The following RFTN2 variants were observed in gnomAD, a reference collection of about 807,000 sequenced individuals.
RFTN2 encodes raftlin family member 2.
RFTN2 carries 34 observed loss-of-function variants against 52.7 expected under a neutral mutation model. That is an observed-to-expected ratio of 0.64 (90% CI 0.49 to 0.86). The LOEUF is 0.86. Ranked by LOEUF, RFTN2 falls within the 40% of genes least tolerant of loss-of-function variation. RFTN2 has a pLI of 0.00. For synonymous variants in RFTN2, 203 were observed against 217.7 expected (o/e 0.93, Z 0.59); for missense variants, 536 against 600.1 (o/e 0.89, Z 1.12).
intron 6 of RFTN2, 131 bp from the exon 7 acceptor site, chr2:197,616,110 G>A: frequency 1.8e-6 from 1 of 569,914 alleles, no homozygotes; most frequent in Admixed American, 3.0e-5. Context: ...TGGGCTTCAT[G>A]TTCTGCTCTG....
At chr2:197,593,765 T>C (rs911007094) in intron 8 of RFTN2, among the ~76,000 whole-genome samples, 20 of 151,264 alleles carry the variant, frequency 1.3e-4, no homozygotes, top group African/African-American at 4.9e-4. Flanking sequence ...TGTGTGCCTG[T>C]AGTCCCAGCT....
At chr2:197,575,736 A>G (rs2106160660) in intron 8 of RFTN2, among the ~76,000 whole-genome samples, 1 of 139,848 alleles carries the variant, frequency 7.2e-6, no homozygotes, top group East Asian at 2.0e-4. Context: ...CTCAGGTCAT[A>G]TATGTATATA....
intron 1 of RFTN2, among the ~76,000 whole-genome samples, chr2:197,659,515 C>T (rs906467108): frequency 4.1e-5 from 6 of 147,410 alleles, no homozygotes; most frequent in African/African-American, 1.3e-4. Flanking sequence ...ATTATTTCCT[C>T]AGATAAAAAT....
At chr2:197,643,067 T>A (rs114751667) in intron 3 of RFTN2, among the ~76,000 whole-genome samples, 1 of 152,136 alleles carries the variant, frequency 6.6e-6, no homozygotes, top group East Asian at 1.9e-4. Context: ...TTATGAATGT[T>A]AGCTTTTCTT....
chr2:197,617,776 A>C (rs199886687), intron 6 of RFTN2, 24 bp downstream of exon 6: 1 of 1,277,486 alleles, frequency 7.8e-7, no homozygotes, highest in Non-Finnish European at 1.0e-6. Context: ...TGTAAAGCTA[A>C]ATTGTCAGAA....
At position 197,665,212 on chromosome 2, in the gene RFTN2, G is replaced by A. The variant is rs541010440; in HGVS notation, c.139+10108C>T. 4.5e-4 allele frequency among the ~76,000 whole-genome samples: 68 copies of A among 152,236 alleles called. 2 individuals are homozygous for A. The South Asian group carries it at 0.01, about 23-fold the overall frequency. ...ATGGTGGTGGGGGGAGCAGTGAAGA[G>A]ATATGAGGGAACCTTCTATACTTTC... On this transcript the variant is annotated intron_variant, in intron 1 of 8. Coordinates refer to ENST00000295049, the MANE Select transcript of RFTN2 (RefSeq NM_144629.3).
Position 197,668,518 on chromosome 2 carries a change from C to T in RFTN2, c.139+6802G>A, listed in dbSNP as rs370414111. 5.5e-4 allele frequency among the ~76,000 whole-genome samples: 83 copies of T among 152,216 alleles called. 1 individual carries two copies. Among genetic ancestry groups the T allele is most frequent in the African/African-American group, 1.9e-3 (79 of 41,524 alleles). On this transcript the variant is annotated intron_variant, in intron 1 of 8. Coordinates refer to ENST00000295049, the MANE Select transcript of RFTN2 (RefSeq NM_144629.3). ...GCCTTGGTAGCACTTCAGCCCTGGG[C>T]GTGGTAGCCTGTGGTCATTGATGCC... is the stretch of plus-strand genomic sequence containing the variant.
intron 8 of RFTN2, among the ~76,000 whole-genome samples, chr2:197,591,586 C>A (rs113964240): frequency 0.36 from 54,277 of 152,104 alleles, 11,657 homozygotes; most frequent in South Asian, 0.53. Flanking sequence ...TCCGTGGGAC[C>A]GTGCACACTG....
intron 1 of RFTN2, among the ~76,000 whole-genome samples, chr2:197,659,267 G>A (rs947591268): frequency 2.0e-5 from 3 of 152,072 alleles, no homozygotes; most frequent in Non-Finnish European, 4.4e-5. Context: ...TTGGGAGGCT[G>A]AGGCAGGTGG....
chr2:197,585,613 T>TA (rs2087583724), intron 8 of RFTN2, among the ~76,000 whole-genome samples: 5 of 152,210 alleles, frequency 3.3e-5, no homozygotes, highest in African/African-American at 1.2e-4. Flanking sequence ...CACTCTCTGC[T>TA]AGCCATTTCT....
chr2:197,674,785 G>A (rs1037416666), intron 1 of RFTN2, among the ~76,000 whole-genome samples: 1 of 151,414 alleles, frequency 6.6e-6, no homozygotes, highest in Non-Finnish European at 1.5e-5. Flanking sequence ...TCTTACAGAA[G>A]GCTATCTTTT....
chr2:197,636,950 G>A (rs1156829272), intron 3 of RFTN2, among the ~76,000 whole-genome samples: 1 of 152,198 alleles, frequency 6.6e-6, no homozygotes, highest in Non-Finnish European at 1.5e-5. Flanking sequence ...TTAGCATGAA[G>A]TGTTGTTAAA....
At chr2:197,614,824 T>C (rs2088116093) in intron 7 of RFTN2, among the ~76,000 whole-genome samples, 1 of 152,248 alleles carries the variant, frequency 6.6e-6, no homozygotes. Context: ...ACTATTCTGT[T>C]ATTTGACAGA....
At chr2:197,616,874 C>G (rs2088153792) in intron 6 of RFTN2, among the ~76,000 whole-genome samples, 1 of 152,134 alleles carries the variant, frequency 6.6e-6, no homozygotes, top group South Asian at 2.1e-4. Context: ...GTCTCTTTAA[C>G]CTGTGTAAGG....
Position 197,644,228 on chromosome 2 carries a change from A to G in RFTN2, c.368T>C (p.Leu123Pro). Residue 123 changes from leucine (L) to proline (P), a missense_variant, in exon 3 of 9, where the codon CTC (leucine) becomes CCC (proline). By Grantham distance (98) the Leu-to-Pro change is moderately conservative (BLOSUM62 -3). Coordinates refer to ENST00000295049, the MANE Select transcript of RFTN2 (RefSeq NM_144629.3). ...AAPSGQRRPRLVIEECPLTSE... is the reference protein window; with the variant it reads ...AAPSGQRRPRPVIEECPLTSE... ...AGTTAGGGGACATTCCTCAATCACG[A>G]GCCTTGGGCGTCTTTGTCCACTGGG... 5 of 1,613,232 alleles carry G rather than the reference A, an allele frequency of 3.1e-6. No homozygotes were observed. Among genetic ancestry groups the G allele is most frequent in the Non-Finnish European group, 4.2e-6 (5 of 1,179,212 alleles).
chr2:197,644,018 A>C, intron 3 of RFTN2, 140 bp downstream of exon 3: 1 of 633,956 alleles, frequency 1.6e-6, no homozygotes, highest in African/African-American at 1.8e-5. Context: ...ATTTGGCACA[A>C]GTACTTCGAT....
At chr2:197,645,551 G>C (rs572024721) in intron 2 of RFTN2, among the ~76,000 whole-genome samples, 5 of 152,164 alleles carry the variant, frequency 3.3e-5, no homozygotes, top group Admixed American at 2.0e-4. Context: ...ATTTTACCAT[G>C]AAAACTATCA....
intron 7 of RFTN2, among the ~76,000 whole-genome samples, chr2:197,603,098 A>T (rs2087904825): frequency 6.6e-6 from 1 of 152,232 alleles, no homozygotes; most frequent in Non-Finnish European, 1.5e-5. Flanking sequence ...GGGGAGAGAT[A>T]GCATTAGGAG....
intron 1 of RFTN2, among the ~76,000 whole-genome samples, chr2:197,661,316 C>T (rs1458139493): frequency 5.9e-5 from 9 of 151,960 alleles, no homozygotes; most frequent in South Asian, 2.1e-4. Context: ...CAGCAACCTC[C>T]GCCTTCTAGG....
Sources: gnomAD v4.1 joint callset for allele counts (sites outside exome capture counted in the v4.1 genomes callset) on GRCh38, gnomAD v4.1.1 for gene constraint, MANE v1.5 for transcripts, NCBI Gene and HGNC (gene_info 2026-07-23, HGNC 2026-07-21) for gene names.